Variants in SUCLG2 observed in about 807,000 individuals in gnomAD.
SUCLG2 encodes succinate-CoA ligase GDP-forming subunit beta.
SUCLG2 carries 42 observed loss-of-function variants against 47.9 expected under a neutral mutation model. The ratio of observed to expected loss-of-function variants is 0.88; its 90% CI spans 0.69 to 1.14. SUCLG2 has a LOEUF of 1.14. Ranked by LOEUF, SUCLG2 falls within the 50% of genes most tolerant of loss-of-function variation. The probability of loss-of-function intolerance (pLI) is 0.00; values close to 1 mark genes in which losing one functional copy is unlikely to be tolerated. For synonymous variants in SUCLG2, 195 were observed against 197.3 expected (o/e 0.99, Z 0.10); for missense variants, 571 against 525.9 (o/e 1.09, Z -0.84).
downstream of SUCLG2, among the ~76,000 whole-genome samples, chr3:67,374,537 T>A (rs1701996631): frequency 6.6e-6 from 1 of 152,082 alleles, no homozygotes; most frequent in Admixed American, 6.6e-5. Context: ...CTTTTATGGA[T>A]TCAATAATCT....
At chr3:67,638,280 A>G (rs1262016395) in intron 1 of SUCLG2, among the ~76,000 whole-genome samples, 4 of 152,188 alleles carry the variant, frequency 2.6e-5, no homozygotes, top group Admixed American at 2.0e-4. Flanking sequence ...CAAAGAGAAA[A>G]TGCCATTGGA....
At chr3:67,399,218 A>C (rs1054854052) in intron 10 of SUCLG2, among the ~76,000 whole-genome samples, 6 of 152,194 alleles carry the variant, frequency 3.9e-5, no homozygotes, top group African/African-American at 1.4e-4. Context: ...ATTAAACCTC[A>C]ACCCTTGATT....
chr3:67,575,140 T>C (rs1159823032), intron 2 of SUCLG2, among the ~76,000 whole-genome samples: 1 of 152,222 alleles, frequency 6.6e-6, no homozygotes, highest in African/African-American at 2.4e-5. Context: ...GGAAAAAGTT[T>C]GGCAGTTTCT....
intron 10 of SUCLG2, among the ~76,000 whole-genome samples, chr3:67,391,780 G>T (rs1244007640): frequency 6.6e-6 from 1 of 152,166 alleles, no homozygotes; most frequent in Non-Finnish European, 1.5e-5. Flanking sequence ...CCAGTTCTGT[G>T]TCTGATGATG....
At chr3:67,422,430 G>A (rs1046917694) in intron 9 of SUCLG2, among the ~76,000 whole-genome samples, 4 of 123,994 alleles carry the variant, frequency 3.2e-5, no homozygotes, top group Admixed American at 1.1e-4. Context: ...AGCCAAGATC[G>A]CGCCACTGCA....
At chr3:67,360,743 A>G (rs1701792570) in exon 11 of SUCLG2, 1 of 1,519,960 alleles carries the variant, frequency 6.6e-7, no homozygotes, top group South Asian at 1.2e-5. Context: ...TGTGCATATA[A>G]CTTCCTTTTT....
At chr3:67,400,590 T>G in intron 10 of SUCLG2, 141 bp downstream of exon 10, 1 of 1,173,140 alleles carries the variant, frequency 8.5e-7, no homozygotes, top group East Asian at 2.6e-5. Flanking sequence ...CCCAGGGAAG[T>G]CCTGCCGTAC....
At chr3:67,572,171 T>C (rs1323889282) in intron 2 of SUCLG2, among the ~76,000 whole-genome samples, 3 of 152,334 alleles carry the variant, frequency 2.0e-5, no homozygotes, top group East Asian at 3.9e-4. Flanking sequence ...ATCTGAGAAC[T>C]AAAAAGGTTT....
At chr3:67,542,556 A>C (rs1313568519) in intron 2 of SUCLG2, among the ~76,000 whole-genome samples, 1 of 152,168 alleles carries the variant, frequency 6.6e-6, no homozygotes, top group Non-Finnish European at 1.5e-5. Flanking sequence ...AAGAGTCAAG[A>C]CCCATCAGTG....
intron 2 of SUCLG2, among the ~76,000 whole-genome samples, chr3:67,563,949 G>C (rs1575781418): frequency 7.9e-6 from 1 of 125,882 alleles, no homozygotes. Flanking sequence ...AACAGAGTGA[G>C]ACTCTGTCTC....
intron 2 of SUCLG2, among the ~76,000 whole-genome samples, chr3:67,594,585 T>A (rs921499869): frequency 6.6e-6 from 1 of 152,198 alleles, no homozygotes; most frequent in Non-Finnish European, 1.5e-5. Flanking sequence ...TGTCACAGTA[T>A]TTCTCACAAT....
At chr3:67,377,538 A>C (rs1158176280) in intron 10 of SUCLG2, among the ~76,000 whole-genome samples, 3 of 152,182 alleles carry the variant, frequency 2.0e-5, no homozygotes, top group African/African-American at 7.2e-5. Flanking sequence ...GGAATGTCAC[A>C]TGGCCATGAC....
intron 9 of SUCLG2, among the ~76,000 whole-genome samples, chr3:67,477,461 G>T (rs537576764): frequency 3.1e-4 from 47 of 152,324 alleles, no homozygotes; most frequent in African/African-American, 1.1e-3. Flanking sequence ...TTGGGAGGCC[G>T]AGGCAGGCAG....
At position 67,419,801 on chromosome 3, in the gene SUCLG2, T is replaced by C. The variant is rs534265995; in HGVS notation, c.1063-18950A>G. Among the ~76,000 whole-genome samples, 16 of 151,956 alleles carry C rather than the reference T, an allele frequency of 1.1e-4. No homozygotes were observed. The East Asian group carries it at 1.5e-3, about 15-fold the overall frequency. ...ACAATAAACAAGCAGGAAAAGAAAA[T>C]AGGATAATTGTGAGGTGAAAAATAT... On this transcript the variant is annotated intron_variant, in intron 9 of 10. Coordinates refer to ENST00000307227, the MANE Select transcript of SUCLG2 (RefSeq NM_003848.4).
chr3:67,510,889 C>CT (rs369542916), intron 6 of SUCLG2, among the ~76,000 whole-genome samples: 1,827 of 124,114 alleles, frequency 0.015, 37 homozygotes, highest in African/African-American at 0.033. Flanking sequence ...TTAAATTGTT[C>CT]TTTTTTTTTT....
chr3:67,425,331 C>T (rs148165626), intron 9 of SUCLG2, among the ~76,000 whole-genome samples: 4 of 152,040 alleles, frequency 2.6e-5, no homozygotes, highest in East Asian at 3.9e-4. Context: ...TTGGAAAGTA[C>T]GATAATTAAT....
chr3:67,589,296 T>C (rs1014223449), intron 2 of SUCLG2, among the ~76,000 whole-genome samples: 1 of 152,250 alleles, frequency 6.6e-6, no homozygotes, highest in Non-Finnish European at 1.5e-5. Flanking sequence ...GAACATTATA[T>C]TGTAAGTCTT....
intron 1 of SUCLG2, among the ~76,000 whole-genome samples, chr3:67,646,894 C>A (rs1416702525): frequency 6.6e-6 from 1 of 152,202 alleles, no homozygotes; most frequent in Non-Finnish European, 1.5e-5. Flanking sequence ...ACGCATTAAA[C>A]TGCCCTTGCC....
chr3:67,572,911 G>C (rs1391945237), intron 2 of SUCLG2, among the ~76,000 whole-genome samples: 2 of 152,018 alleles, frequency 1.3e-5, no homozygotes, highest in African/African-American at 2.4e-5. Context: ...GTTCTGTATA[G>C]AGAAAATGTT....
Sources: gnomAD v4.1 joint callset for allele counts (sites outside exome capture counted in the v4.1 genomes callset) on GRCh38, gnomAD v4.1.1 for gene constraint, MANE v1.5 for transcripts, NCBI Gene and HGNC (gene_info 2026-07-23, HGNC 2026-07-21) for gene names.